MACROD2: variants seen among roughly 807,000 people sequenced by gnomAD.
The protein encoded by MACROD2 is ADP-ribose glycohydrolase MACROD2.
Under a neutral mutation model 70.4 loss-of-function variants are expected in MACROD2, and 36 were observed. That is an observed-to-expected ratio of 0.51 (90% confidence interval 0.39 to 0.68). The LOEUF (loss-of-function observed/expected upper bound fraction) is 0.68, where lower values mean the gene tolerates loss of function less well. Ranked by LOEUF, MACROD2 falls within the 30% of genes least tolerant of loss-of-function variation. The pLI is 0.00. For missense variants in MACROD2, 496 were observed against 538.4 expected (o/e 0.92, Z 0.78); for synonymous variants, 172 against 178.8 (o/e 0.96, Z 0.30).
chr20:15,344,145 G>A (rs1279637188), intron 6 of MACROD2, among the ~76,000 whole-genome samples: 1 of 152,146 alleles, frequency 6.6e-6, no homozygotes, highest in Non-Finnish European at 1.5e-5. Context: ...TGCAGATCCA[G>A]CCTCAGTGAT....
chr20:14,515,663 A>G (rs1352501900), intron 4 of MACROD2, among the ~76,000 whole-genome samples: 2 of 152,076 alleles, frequency 1.3e-5, no homozygotes, highest in Non-Finnish European at 2.9e-5. Flanking sequence ...AGTCAGTCTC[A>G]CAGAAACAGA....
intron 2 of MACROD2, among the ~76,000 whole-genome samples, chr20:14,027,509 A>G (rs925993287): frequency 1.3e-5 from 2 of 152,096 alleles, no homozygotes; most frequent in African/African-American, 4.8e-5. Context: ...CTTGCTGACG[A>G]GGAGTTGTGA....
At chr20:14,874,470 A>G (rs940885715) in intron 5 of MACROD2, among the ~76,000 whole-genome samples, 3 of 151,276 alleles carry the variant, frequency 2.0e-5, no homozygotes, top group African/African-American at 7.3e-5. Flanking sequence ...TTGGATTACT[A>G]AATTCACAAA....
At chr20:15,729,885 A>G (rs1243843792) in intron 8 of MACROD2, among the ~76,000 whole-genome samples, 4 of 126,876 alleles carry the variant, frequency 3.2e-5, no homozygotes, top group Admixed American at 2.9e-4. Flanking sequence ...CTGGAGTGCA[A>G]TGGTGCAATC....
intron 3 of MACROD2, among the ~76,000 whole-genome samples, chr20:14,251,752 A>G (rs1388614982): frequency 2.0e-5 from 3 of 152,248 alleles, no homozygotes; most frequent in East Asian, 3.9e-4. Flanking sequence ...ATGCAATGAC[A>G]TGATAGGAAG....
At chr20:14,872,135 T>C (rs1377678972) in intron 5 of MACROD2, among the ~76,000 whole-genome samples, 2 of 152,008 alleles carry the variant, frequency 1.3e-5, no homozygotes, top group African/African-American at 4.8e-5. Context: ...ACAAAGATAT[T>C]CAGATCTGAA....
chr20:15,206,726 T>TTTTTTTTTTGTTTG (rs1568636155), intron 5 of MACROD2, among the ~76,000 whole-genome samples: 2 of 61,658 alleles, frequency 3.2e-5, no homozygotes, highest in South Asian at 1.1e-3. Context: ...TCTATGTTTT[T>TTTTTTTTTTGTTTG]TTTTTTTTTT....
intron 3 of MACROD2, among the ~76,000 whole-genome samples, chr20:14,243,715 G>A (rs1296997663): frequency 6.6e-6 from 1 of 152,166 alleles, no homozygotes; most frequent in African/African-American, 2.4e-5. Context: ...GCTTTCATGG[G>A]AAACCAAGGC....
intron 13 of MACROD2, among the ~76,000 whole-genome samples, chr20:15,978,554 G>A (rs2066344775): frequency 6.6e-6 from 1 of 150,780 alleles, no homozygotes; most frequent in Admixed American, 6.6e-5. Flanking sequence ...AGCCCAGCAG[G>A]CTAATAAACT....
intron 5 of MACROD2, among the ~76,000 whole-genome samples, chr20:15,187,713 C>A (rs888699937): frequency 2.6e-5 from 4 of 152,154 alleles, no homozygotes; most frequent in African/African-American, 9.7e-5. Context: ...ATTATTATTA[C>A]AAATACTTAG....
At chr20:15,192,080 C>G (rs976152460) in intron 5 of MACROD2, among the ~76,000 whole-genome samples, 1 of 151,464 alleles carries the variant, frequency 6.6e-6, no homozygotes, top group Non-Finnish European at 1.5e-5. Flanking sequence ...CTCTCTCTCT[C>G]CATATATATT....
chr20:15,650,768 T>G (rs543836597), intron 8 of MACROD2, among the ~76,000 whole-genome samples: 1 of 152,166 alleles, frequency 6.6e-6, no homozygotes, highest in Non-Finnish European at 1.5e-5. Context: ...CAACCTAGTA[T>G]GCAAAAGATG....
intron 8 of MACROD2, among the ~76,000 whole-genome samples, chr20:15,681,311 G>C (rs1329983205): frequency 6.6e-6 from 1 of 152,140 alleles, no homozygotes; most frequent in African/African-American, 2.4e-5. Flanking sequence ...TTAATGCTCA[G>C]AAACATACAG....
chr20:14,156,362 A>G (rs545563489), intron 3 of MACROD2, among the ~76,000 whole-genome samples: 2 of 152,280 alleles, frequency 1.3e-5, no homozygotes, highest in South Asian at 4.2e-4. Context: ...CTTTTCAGGA[A>G]CTATTTGCGT....
At position 15,937,498 on chromosome 20, in the gene MACROD2, GC is replaced by G; in HGVS notation, c.864del (p.Gly289AlafsTer28). On this transcript the variant is annotated frameshift_variant, in exon 12 of 18. Transcript: ENST00000684519. LOFTEE classifies it high-confidence loss of function. ...TAGATGGTGTCAACACTGTCACTGTGCCCGGCCCTGCTTCAGAAGAGGCAGT... is the reference window on the plus strand; with the variant it reads ...TAGATGGTGTCAACACTGTCACTGTGCCGGCCCTGCTTCAGAAGAGGCAGT... The part of the protein sequence containing the change: ...DADGVNTVTV[P>X]GPASEEAVED... The G allele has an allele frequency of 6.2e-7, 1 of 1,613,360 alleles. No individual in the cohort carries two copies.
intron 3 of MACROD2, among the ~76,000 whole-genome samples, chr20:14,357,992 C>T (rs1366638263): frequency 6.6e-6 from 1 of 152,190 alleles, no homozygotes; most frequent in East Asian, 1.9e-4. Flanking sequence ...AGGCCTGGTC[C>T]ATTGAAACAT....
chr20:15,418,369 T>C (rs2046183489), intron 6 of MACROD2, among the ~76,000 whole-genome samples: 1 of 152,180 alleles, frequency 6.6e-6, no homozygotes, highest in African/African-American at 2.4e-5. Flanking sequence ...TTCAGTTTAT[T>C]AGCAGCCTGT....
At chr20:15,058,886 T>A (rs911195542) in intron 5 of MACROD2, among the ~76,000 whole-genome samples, 21 of 152,212 alleles carry the variant, frequency 1.4e-4, no homozygotes, top group Middle Eastern at 3.2e-3. Context: ...TATAAGAAGC[T>A]ATGGTTGGAA....
chr20:15,202,402 C>T (rs2076664095), intron 5 of MACROD2, among the ~76,000 whole-genome samples: 1 of 152,166 alleles, frequency 6.6e-6, no homozygotes, highest in South Asian at 2.1e-4. Flanking sequence ...CAGATTGTCT[C>T]TTTGGACAAC....
Sources: allele counts gnomAD v4.1 joint callset (sites outside exome capture counted in the v4.1 genomes callset), GRCh38; gene constraint gnomAD v4.1.1; transcripts MANE v1.5; gene names NCBI Gene and HGNC (gene_info 2026-07-23, HGNC 2026-07-21).